DYSF: variants seen among roughly 807,000 people sequenced by gnomAD.
DYSF encodes dysferlin, also known as dystrophy-associated fer-1-like 1.
Under a neutral mutation model 274.9 loss-of-function variants are expected in DYSF, and 212 were observed. The ratio of observed to expected loss-of-function variants is 0.77; its 90% CI spans 0.69 to 0.86. The LOEUF (loss-of-function observed/expected upper bound fraction) is 0.86, where lower values mean the gene tolerates loss of function less well. DYSF is among the 40% of genes least tolerant of loss of function. The pLI is 0.00. For missense variants in DYSF, 2,666 were observed against 2,783.2 expected (o/e 0.96, Z 0.95); for synonymous variants, 1,091 against 1,078.7 (o/e 1.01, Z -0.22).
chr2:71,640,401 G>A (rs868850248), intron 41 of DYSF, among the ~76,000 whole-genome samples: 16 of 152,064 alleles, frequency 1.1e-4, no homozygotes, highest in African/African-American at 3.6e-4. Flanking sequence ...TATAAACTAG[G>A]GGCTGGCAAA....
chr2:71,604,271 T>A (rs2093608173), intron 36 of DYSF, among the ~76,000 whole-genome samples: 1 of 152,182 alleles, frequency 6.6e-6, no homozygotes, highest in South Asian at 2.1e-4. Context: ...CTAAGCCTGA[T>A]GCCAAGATGC....
chr2:71,499,988 T>C (rs1164202109), intron 3 of DYSF, among the ~76,000 whole-genome samples: 2 of 152,158 alleles, frequency 1.3e-5, no homozygotes. Context: ...TGTCTGCCAC[T>C]TGCCAGGCCC....
intron 3 of DYSF, among the ~76,000 whole-genome samples, chr2:71,497,200 C>G (rs2084489786): frequency 6.6e-6 from 1 of 152,202 alleles, no homozygotes; most frequent in South Asian, 2.1e-4. Context: ...GAGTTTAATA[C>G]TGAGCTGGCT....
At chr2:71,627,454 T>C (rs2094227936) in intron 41 of DYSF, among the ~76,000 whole-genome samples, 1 of 152,088 alleles carries the variant, frequency 6.6e-6, no homozygotes, top group Non-Finnish European at 1.5e-5. Context: ...GAGTGTAGTC[T>C]GTGTGTAACG....
At chr2:71,651,891 A>C (rs2094670301) in intron 42 of DYSF, among the ~76,000 whole-genome samples, 1 of 152,246 alleles carries the variant, frequency 6.6e-6, no homozygotes, top group Non-Finnish European at 1.5e-5. Context: ...GGTAACATTA[A>C]CAAAGATTAT....
chr2:71,623,289 A>G (rs2094143635), intron 41 of DYSF, among the ~76,000 whole-genome samples: 1 of 151,044 alleles, frequency 6.6e-6, no homozygotes. Context: ...CTCGTCATCT[A>G]GCATTAGGTA....
chr2:71,601,643 C>G, intron 35 of DYSF, 115 bp downstream of exon 35: 1 of 1,414,500 alleles, frequency 7.1e-7, no homozygotes, highest in South Asian at 1.2e-5. Context: ...CCTCAAGCCC[C>G]CGGGGAAGCT....
chr2:71,501,159 T>C (rs1008812740), intron 3 of DYSF, among the ~76,000 whole-genome samples: 42 of 152,176 alleles, frequency 2.8e-4, no homozygotes, highest in Non-Finnish European at 1.3e-4. Flanking sequence ...GTTTACATTC[T>C]AGAAAATATG....
At chr2:71,463,293 GCTC>G (rs1484731154), upstream of DYSF, among the ~76,000 whole-genome samples, 1 of 152,216 alleles carries the variant, frequency 6.6e-6, no homozygotes, top group African/African-American at 2.4e-5. Context: ...ACACAACTTT[GCTC>G]CACCCTGGAG....
chr2:71,614,795 C>A (rs145466130), intron 40 of DYSF, among the ~76,000 whole-genome samples: 1 of 152,096 alleles, frequency 6.6e-6, no homozygotes, highest in African/African-American at 2.4e-5. Context: ...GATGGATGGA[C>A]GAATTTTCTG....
At chr2:71,506,074 G>A (rs530416789) in intron 4 of DYSF, among the ~76,000 whole-genome samples, 296 of 152,354 alleles carry the variant, frequency 1.9e-3, no homozygotes, top group African/African-American at 6.8e-3. Flanking sequence ...TGAGGGCCAC[G>A]CACATATCAG....
At chr2:71,604,405 G>A (rs969050580) in intron 36 of DYSF, among the ~76,000 whole-genome samples, 7 of 152,220 alleles carry the variant, frequency 4.6e-5, no homozygotes, top group African/African-American at 1.4e-4. Context: ...CTCCTGCCTT[G>A]TATCTCCCAT....
chr2:71,528,109 G>A (rs558798612), intron 13 of DYSF, among the ~76,000 whole-genome samples, 189 bp from the exon 14 acceptor site: 53 of 152,312 alleles, frequency 3.5e-4, no homozygotes, highest in African/African-American at 1.2e-3. Flanking sequence ...AAAGTGGCCC[G>A]GAGCTCTCAG....
intron 41 of DYSF, among the ~76,000 whole-genome samples, chr2:71,639,172 A>G (rs1010388152): frequency 6.6e-6 from 1 of 152,030 alleles, no homozygotes; most frequent in Non-Finnish European, 1.5e-5. Context: ...TTTAAATTGG[A>G]TGATTTGTCT....
At chr2:71,662,681 G>C (rs1020287209) in intron 45 of DYSF, among the ~76,000 whole-genome samples, 1 of 151,122 alleles carries the variant, frequency 6.6e-6, no homozygotes, top group Non-Finnish European at 1.5e-5. Flanking sequence ...CCGTGTATGT[G>C]TGTGGTGTGT....
intron 22 of DYSF, among the ~76,000 whole-genome samples, chr2:71,557,668 G>A (rs1309972840): frequency 6.6e-6 from 1 of 152,168 alleles, no homozygotes; most frequent in Non-Finnish European, 1.5e-5. Flanking sequence ...GACTATTTAG[G>A]AGGGATTATG....
intron 40 of DYSF, among the ~76,000 whole-genome samples, chr2:71,618,081 G>T (rs2152887713): frequency 1.1e-5 from 1 of 92,336 alleles, no homozygotes. Flanking sequence ...TGTGTGTGTG[G>T]TAGAGATGGG....
intron 3 of DYSF, among the ~76,000 whole-genome samples, chr2:71,494,878 T>C (rs1039082386): frequency 6.6e-6 from 1 of 152,242 alleles, no homozygotes; most frequent in Non-Finnish European, 1.5e-5. Context: ...CCCTGACATT[T>C]TGAGGATCTT....
intron 30 of DYSF, among the ~76,000 whole-genome samples, chr2:71,575,303 C>T (rs929058077): frequency 7.2e-5 from 11 of 152,048 alleles, no homozygotes; most frequent in African/African-American, 2.2e-4. Flanking sequence ...TCTCAGGCCT[C>T]GATGGTGGGC....
Sources: gnomAD v4.1 joint callset for allele counts (sites outside exome capture counted in the v4.1 genomes callset) on GRCh38, gnomAD v4.1.1 for gene constraint, MANE v1.5 for transcripts, NCBI Gene and HGNC (gene_info 2026-07-23, HGNC 2026-07-21) for gene names.